MYO1E: variants seen among roughly 807,000 people sequenced by gnomAD.
MYO1E encodes myosin IE.
MYO1E carries 68 observed loss-of-function variants against 151.1 expected under a neutral mutation model. The observed-to-expected ratio is 0.45, with a 90% CI of 0.37 to 0.55. The LOEUF (loss-of-function observed/expected upper bound fraction) is 0.55. Ranked by LOEUF, MYO1E falls within the 20% of genes least tolerant of loss-of-function variation. MYO1E has a pLI of 0.00. For synonymous variants in MYO1E, 601 were observed against 501.7 expected (o/e 1.20, Z -2.64); for missense variants, 1,363 against 1,389.3 (o/e 0.98, Z 0.30).
chr15:59,327,002 G>A (rs1271265360), intron 1 of MYO1E, among the ~76,000 whole-genome samples: 1 of 152,188 alleles, frequency 6.6e-6, no homozygotes, highest in Non-Finnish European at 1.5e-5. Context: ...CAGGCTTCAG[G>A]CAATCAGGCA....
chr15:59,230,796 T>G (rs1479386518), intron 6 of MYO1E, among the ~76,000 whole-genome samples: 1 of 152,172 alleles, frequency 6.6e-6, no homozygotes, highest in African/African-American at 2.4e-5. Flanking sequence ...AAAAGAAAAT[T>G]GTTTTTCTCC....
chr15:59,322,730 A>G (rs2080634969), intron 1 of MYO1E, among the ~76,000 whole-genome samples: 1 of 152,226 alleles, frequency 6.6e-6, no homozygotes, highest in Non-Finnish European at 1.5e-5. Flanking sequence ...CACATTGGGA[A>G]AAAGAAAAAG....
chr15:59,282,803 G>A (rs1416356866), intron 1 of MYO1E, among the ~76,000 whole-genome samples: 5 of 142,032 alleles, frequency 3.5e-5, no homozygotes, highest in African/African-American at 1.1e-4. Flanking sequence ...AGCCGTGACT[G>A]CGTTACTGCA....
At chr15:59,288,465 T>C (rs962315506) in intron 1 of MYO1E, among the ~76,000 whole-genome samples, 1 of 152,184 alleles carries the variant, frequency 6.6e-6, no homozygotes, top group African/African-American at 2.4e-5. Context: ...GTGTGAGCTG[T>C]CATACCCAGC....
chr15:59,183,952 T>G (rs549568244), intron 18 of MYO1E, among the ~76,000 whole-genome samples: 1 of 152,228 alleles, frequency 6.6e-6, no homozygotes, highest in Admixed American at 6.5e-5. Context: ...TTTCTGTGCC[T>G]GGTTTGTTTC....
chr15:59,225,642 TTTC>T (rs2079985496), intron 7 of MYO1E, among the ~76,000 whole-genome samples: 1 of 73,050 alleles, frequency 1.4e-5, no homozygotes, highest in Admixed American at 2.0e-4. Flanking sequence ...TTTTCTTTCT[TTTC>T]TTTTCTTTTT....
chr15:59,274,884 A>G (rs1426804459), intron 1 of MYO1E, among the ~76,000 whole-genome samples: 2 of 152,176 alleles, frequency 1.3e-5, no homozygotes, highest in African/African-American at 4.8e-5. Context: ...TCGATACTGA[A>G]GATTCCTAGC....
At chr15:59,155,660 T>C (rs1246667113) in intron 25 of MYO1E, among the ~76,000 whole-genome samples, 1 of 152,186 alleles carries the variant, frequency 6.6e-6, no homozygotes, top group Non-Finnish European at 1.5e-5. Flanking sequence ...GCACACGCAG[T>C]AATATGATAC....
chr15:59,158,497 G>T, intron 24 of MYO1E, 118 bp from the exon 25 acceptor site: 2 of 777,488 alleles, frequency 2.6e-6, no homozygotes, highest in Admixed American at 2.0e-5. Flanking sequence ...AGGTGGATCT[G>T]CAGGAGAACA....
chr15:59,311,639 G>C (rs2080552760), intron 1 of MYO1E, among the ~76,000 whole-genome samples: 1 of 152,100 alleles, frequency 6.6e-6, no homozygotes, highest in South Asian at 2.1e-4. Flanking sequence ...TATATATCAG[G>C]CAAGCCCAGT....
rs1175083733 is a variant in MYO1E, at chr15:59,133,696, C to T, written c.*3684G>A. On this transcript the variant is annotated 3_prime_UTR_variant, in exon 28 of 28. Transcript: ENST00000288235. ...ACAAAAGTGAGGGGTGCCAGAAACA[C>T]AGAGTTAAATTGTCTACCAAAGACG... 2.6e-5 allele frequency: 4 copies of T among 152,184 alleles called. No individual in the cohort carries two copies. Among genetic ancestry groups the T allele is most frequent in the Admixed American group, 6.5e-5 (1 of 15,276 alleles). The allele number at this position is 152,184 out of a possible 1,614,324, so 9.4% of individuals were successfully genotyped here.
chr15:59,339,746 T>C (rs2080751869), intron 1 of MYO1E, among the ~76,000 whole-genome samples: 1 of 152,232 alleles, frequency 6.6e-6, no homozygotes, highest in Non-Finnish European at 1.5e-5. Context: ...CCCAGCAGTT[T>C]TGCGGCCAAG....
chr15:59,236,361 A>ATATAT (rs1232657278), intron 5 of MYO1E, among the ~76,000 whole-genome samples: 5 of 66,760 alleles, frequency 7.5e-5, no homozygotes, highest in Admixed American at 2.3e-4. Context: ...AGAAAAAAAA[A>ATATAT]AAATATATAC....
intron 20 of MYO1E, 32 bp from the exon 21 acceptor site, chr15:59,173,947 AG>A: frequency 6.2e-7 from 1 of 1,608,582 alleles, no homozygotes. Flanking sequence ...AGATGGAAGA[AG>A]GATAAGTCAG....
At chr15:59,297,500 C>A (rs2080457736) in intron 1 of MYO1E, among the ~76,000 whole-genome samples, 1 of 135,150 alleles carries the variant, frequency 7.4e-6, no homozygotes, top group African/African-American at 2.6e-5. Flanking sequence ...CCAGGCCAGT[C>A]TCAAACTCCT....
intron 17 of MYO1E, 70 bp downstream of exon 17, chr15:59,195,391 A>G: frequency 7.4e-7 from 1 of 1,345,274 alleles, no homozygotes; most frequent in Admixed American, 1.7e-5. Flanking sequence ...CCTGCCTGTG[A>G]TGGAGGACGG....
At position 59,354,417 on chromosome 15, in the gene MYO1E, C is replaced by A. The variant is rs139497982; in HGVS notation, c.3+18081G>T. Among the ~76,000 whole-genome samples, 525 of 152,288 alleles carry A rather than the reference C, an allele frequency of 3.4e-3. 5 individuals are homozygous for A. The highest frequency in any genetic ancestry group is 0.01 in the Middle Eastern group (3 of 292). On this transcript the variant is annotated intron_variant, in intron 1 of 27. Coordinates refer to ENST00000288235, the MANE Select transcript of MYO1E (RefSeq NM_004998.4). ...ACCTAACAAGGAAAACCTTCTTATC[C>A]TGGCCATGAATCTAGCAGTGATCTT... is the stretch of plus-strand genomic sequence containing the variant.
chr15:59,231,735 G>A lies in MYO1E; in HGVS notation c.477C>T (p.Ala159=). ...SNPLLEAFGN[A]KTVRNNNSSR... ...TGGAGTTGTTGTTCCGGACGGTCTT[G>A]GCGTTCCCGAAGGCCTCCAGCAGCG... Residue 159 remains alanine (A), a synonymous_variant, in exon 6 of 28, where the codon GCC becomes GCT. Coordinates refer to ENST00000288235, the MANE Select transcript of MYO1E (RefSeq NM_004998.4). The A allele has an allele frequency of 6.2e-7, 1 of 1,614,166 alleles. No individual in the cohort carries two copies. The highest frequency in any genetic ancestry group is 8.5e-7 in the Non-Finnish European group (1 of 1,180,032).
intron 10 of MYO1E, 24 bp downstream of exon 10, chr15:59,217,867 C>T: frequency 1.2e-6 from 2 of 1,611,894 alleles, no homozygotes. Flanking sequence ...TGAAGCATCA[C>T]CAGCATCAAC....
Sources: gnomAD v4.1 joint callset for allele counts (sites outside exome capture counted in the v4.1 genomes callset) on GRCh38, gnomAD v4.1.1 for gene constraint, MANE v1.5 for transcripts, NCBI Gene and HGNC (gene_info 2026-07-23, HGNC 2026-07-21) for gene names.